The following CTNNA2 variants were observed in gnomAD, a reference collection of about 807,000 sequenced individuals.
CTNNA2 encodes catenin alpha-2.
In CTNNA2, 42 loss-of-function variants were observed where a neutral mutation model predicts 101.0. The ratio of observed to expected loss-of-function variants is 0.42; its 90% confidence interval spans 0.32 to 0.54. CTNNA2 has a LOEUF of 0.54. Among genes scored for constraint, CTNNA2 ranks in the 20% least tolerant of loss-of-function variants. The pLI, the probability that CTNNA2 is intolerant of heterozygous loss-of-function variation, is 0.14. For missense variants in CTNNA2, 871 were observed against 1,223.1 expected (o/e 0.71, Z 4.29); for synonymous variants, 450 against 456.4 (o/e 0.99, Z 0.18).
chr2:80,619,382 G>A (rs921262422), intron 18 of CTNNA2, among the ~76,000 whole-genome samples, 154 bp downstream of exon 18: 1 of 151,892 alleles, frequency 6.6e-6, no homozygotes, highest in African/African-American at 2.4e-5. Context: ...TTCTTTATGT[G>A]GGTCAGAAAT....
At chr2:80,004,869 A>C (rs1327971158) in intron 7 of CTNNA2, among the ~76,000 whole-genome samples, 3 of 151,842 alleles carry the variant, frequency 2.0e-5, no homozygotes, top group Non-Finnish European at 2.9e-5. Flanking sequence ...TACCTGGCTA[A>C]TTTTTGTATT....
chr2:80,331,409 A>G (rs1192690541), intron 7 of CTNNA2, among the ~76,000 whole-genome samples: 1 of 152,188 alleles, frequency 6.6e-6, no homozygotes, highest in Non-Finnish European at 1.5e-5. Context: ...CAACATTCCA[A>G]AGAAACTGAT....
At chr2:80,227,590 T>C (rs1015727815) in intron 7 of CTNNA2, among the ~76,000 whole-genome samples, 64 of 152,320 alleles carry the variant, frequency 4.2e-4, no homozygotes, top group African/African-American at 1.4e-3. Flanking sequence ...TGTCCATGGA[T>C]GTGAGCCCGA....
intron 7 of CTNNA2, among the ~76,000 whole-genome samples, chr2:80,019,904 C>T (rs981206763): frequency 6.6e-6 from 1 of 152,136 alleles, no homozygotes; most frequent in Non-Finnish European, 1.5e-5. Context: ...TACGAGCAGA[C>T]ATTTAGACCC....
intron 7 of CTNNA2, among the ~76,000 whole-genome samples, chr2:80,220,036 C>T (rs1342986602): frequency 6.6e-6 from 1 of 152,170 alleles, no homozygotes; most frequent in Non-Finnish European, 1.5e-5. Context: ...AAATACCCAA[C>T]TTCCTGTGCA....
At chr2:79,940,421 G>A (rs2104454297) in intron 7 of CTNNA2, among the ~76,000 whole-genome samples, 1 of 152,248 alleles carries the variant, frequency 6.6e-6, no homozygotes, top group African/African-American at 2.4e-5. Flanking sequence ...TTTGATCTTT[G>A]GCATTATTTT....
At chr2:80,095,331 C>T (rs748535587) in intron 7 of CTNNA2, among the ~76,000 whole-genome samples, 1 of 140,478 alleles carries the variant, frequency 7.1e-6, no homozygotes, top group Non-Finnish European at 1.5e-5. Flanking sequence ...GTTGAACCAG[C>T]CTTGCATCCC....
intron 3 of CTNNA2, among the ~76,000 whole-genome samples, chr2:79,856,992 C>T (rs1314291632): frequency 6.6e-6 from 1 of 152,164 alleles, no homozygotes; most frequent in Non-Finnish European, 1.5e-5. Flanking sequence ...AACTTCCCAC[C>T]CTGCTGAGGG....
At chr2:79,251,024 G>A (rs568184588) in intron 2 of CTNNA2, among the ~76,000 whole-genome samples, 6 of 152,230 alleles carry the variant, frequency 3.9e-5, no homozygotes, top group South Asian at 2.1e-4. Context: ...CTATGTCTCC[G>A]TAGTAATGGT....
intron 1 of CTNNA2, among the ~76,000 whole-genome samples, chr2:79,626,704 G>C (rs1296605291): frequency 1.3e-5 from 2 of 150,996 alleles, no homozygotes; most frequent in African/African-American, 4.9e-5. Context: ...TATGAATCTG[G>C]AAAGCTAAAC....
Position 80,137,734 on chromosome 2 carries a change from C to CT in CTNNA2, c.1056+227949dup, listed in dbSNP as rs200421120. On this transcript the variant is annotated intron_variant, in intron 7 of 18. Transcript: ENST00000402739. The stretch of plus-strand genomic sequence containing the variant: ...GTTTTAGAACAGCTGGATCTCCTGC[C>CT]TTTTTTTTTTTTCTAAGTTCCTTAG... 8.0e-3 allele frequency among the ~76,000 whole-genome samples: 1,166 copies of CT among 145,548 alleles called. 10 individuals are homozygous for CT. The highest frequency in any genetic ancestry group is 0.025 in the South Asian group (116 of 4,644).
At chr2:79,967,494 A>T (rs1201930429) in intron 7 of CTNNA2, among the ~76,000 whole-genome samples, 1 of 152,180 alleles carries the variant, frequency 6.6e-6, no homozygotes, top group Non-Finnish European at 1.5e-5. Flanking sequence ...CATGATGACC[A>T]ATTCTCCAAA....
chr2:80,235,861 G>C (rs1475792035), intron 7 of CTNNA2, among the ~76,000 whole-genome samples: 2 of 152,108 alleles, frequency 1.3e-5, no homozygotes, highest in African/African-American at 2.4e-5. Context: ...TGTTACATAA[G>C]TAAACTTGTG....
At chr2:79,673,071 A>G (rs1382778602) in intron 2 of CTNNA2, among the ~76,000 whole-genome samples, 2 of 152,212 alleles carry the variant, frequency 1.3e-5, no homozygotes, top group African/African-American at 4.8e-5. Flanking sequence ...AATATTTACC[A>G]ATGACATTAA....
intron 5 of CTNNA2, among the ~76,000 whole-genome samples, chr2:79,507,565 C>T (rs1671440897): frequency 6.6e-6 from 1 of 152,118 alleles, no homozygotes; most frequent in Non-Finnish European, 1.5e-5. Context: ...AACCATGAGC[C>T]AAATAAATTT....
chr2:80,272,258 A>G (rs1458441836), intron 7 of CTNNA2, among the ~76,000 whole-genome samples: 1 of 152,228 alleles, frequency 6.6e-6, no homozygotes, highest in Non-Finnish European at 1.5e-5. Flanking sequence ...TCACTCAGGC[A>G]ATAATCTAGA....
At chr2:80,292,796 T>A (rs1675380341) in intron 7 of CTNNA2, among the ~76,000 whole-genome samples, 1 of 152,246 alleles carries the variant, frequency 6.6e-6, no homozygotes, top group Non-Finnish European at 1.5e-5. Context: ...TTTGATTGAA[T>A]GAGTTGAGCA....
At chr2:80,597,723 C>T (rs1408595271) in intron 15 of CTNNA2, among the ~76,000 whole-genome samples, 1 of 152,154 alleles carries the variant, frequency 6.6e-6, no homozygotes, top group Non-Finnish European at 1.5e-5. Context: ...AAAAAAAGCT[C>T]ATCATCACTG....
intron 9 of CTNNA2, among the ~76,000 whole-genome samples, chr2:80,474,641 T>C (rs1685577269): frequency 6.6e-6 from 1 of 152,302 alleles, no homozygotes; most frequent in African/African-American, 2.4e-5. Context: ...AGATAATGAC[T>C]GAATGACAAA....
Sources: gnomAD v4.1 joint callset for allele counts (sites outside exome capture counted in the v4.1 genomes callset) on GRCh38, gnomAD v4.1.1 for gene constraint, MANE v1.5 for transcripts, NCBI Gene and HGNC (gene_info 2026-07-23, HGNC 2026-07-21) for gene names.